Variants in POLR1E observed in about 807,000 individuals in gnomAD.
The protein encoded by POLR1E is DNA-directed RNA polymerase I subunit RPA49.
A neutral mutation model predicts 50.9 loss-of-function variants in POLR1E; 37 were observed. The ratio of observed to expected loss-of-function variants is 0.73; its 90% CI spans 0.56 to 0.96. The LOEUF (loss-of-function observed/expected upper bound fraction) is 0.96, where lower values mean the gene tolerates loss of function less well. POLR1E is among the 40% of genes least tolerant of loss of function. The pLI is 0.00. For missense variants in POLR1E, 426 were observed against 518.1 expected (o/e 0.82, Z 1.73); for synonymous variants, 166 against 191.6 (o/e 0.87, Z 1.10).
At chr9:37,486,587 C>T in intron 1 of POLR1E, 116 bp from the exon 2 acceptor site, 2 of 1,612,732 alleles carry the variant, frequency 1.2e-6, no homozygotes, top group Non-Finnish European at 1.7e-6. Context: ...ACCCGAGCTT[C>T]CTTGCCATCC....
chr9:37,491,859 T>G (rs1820690979), intron 4 of POLR1E, among the ~76,000 whole-genome samples: 1 of 152,236 alleles, frequency 6.6e-6, no homozygotes, highest in Non-Finnish European at 1.5e-5. Flanking sequence ...TATAACTATA[T>G]TTAAATCATC....
At chr9:37,501,267 C>T (rs567716194) in intron 10 of POLR1E, among the ~76,000 whole-genome samples, 12 of 152,368 alleles carry the variant, frequency 7.9e-5, no homozygotes, top group African/African-American at 2.6e-4. Context: ...CAGCCCAACT[C>T]GGTGACTCTG....
At chr9:37,492,629 TTCTC>T (rs769174753) in intron 4 of POLR1E, 24 bp from the exon 5 acceptor site, 24 of 1,610,424 alleles carry the variant, frequency 1.5e-5, no homozygotes, top group Non-Finnish European at 2.0e-5. Flanking sequence ...TGACTTTTCT[TTCTC>T]TCTGTTTTTG....
At chr9:37,491,804 A>C (rs1463747627) in intron 4 of POLR1E, among the ~76,000 whole-genome samples, 2 of 152,136 alleles carry the variant, frequency 1.3e-5, no homozygotes, top group Non-Finnish European at 2.9e-5. Context: ...GAGTCCGGAC[A>C]CCCATCTGTG....
chr9:37,489,321 T>C lies in POLR1E; in HGVS notation c.264T>C (p.Phe88=), dbSNP rs2118999076. The C allele has an allele frequency of 6.3e-7, 1 of 1,597,682 alleles. No individual in the cohort carries two copies. Among genetic ancestry groups the C allele is most frequent in the Non-Finnish European group, 8.5e-7 (1 of 1,174,286 alleles). Residue 88 remains phenylalanine (F), a synonymous_variant, in exon 4 of 12, where the codon TTT becomes TTC. Coordinates refer to ENST00000377798, the MANE Select transcript of POLR1E (RefSeq NM_022490.4). ...ALKCNTLCRH[F]VGILNKTSGQ... is the part of the protein sequence containing the mutation. ...TTATTTCTTCTTTATTCAGGCACTT[T>C]GTGGGAATTTTGAACAAGACCTCTG...
At chr9:37,490,097 C>A (rs575572802) in intron 4 of POLR1E, among the ~76,000 whole-genome samples, 37 of 152,256 alleles carry the variant, frequency 2.4e-4, no homozygotes, top group African/African-American at 8.9e-4. Flanking sequence ...TTCCTTCATT[C>A]TTTTTATTTT....
chr9:37,495,846 G>C, intron 7 of POLR1E, 44 bp from the exon 8 acceptor site: 1 of 1,398,964 alleles, frequency 7.1e-7, no homozygotes. Context: ...TAGCTAGTTG[G>C]ATGTTTCTAT....
chr9:37,490,653 A>G, intron 4 of POLR1E: 1 of 724,324 alleles, frequency 1.4e-6, no homozygotes, highest in Non-Finnish European at 2.5e-6. Flanking sequence ...CTTGGCAAGA[A>G]TCTTGCCCTT....
intron 9 of POLR1E, 134 bp downstream of exon 9, chr9:37,498,358 C>A: frequency 2.1e-6 from 2 of 973,996 alleles, no homozygotes; most frequent in Non-Finnish European, 2.9e-6. Context: ...GAGATTCATT[C>A]TGGTACTGCT....
chr9:37,495,304 C>T, intron 7 of POLR1E, 28 bp downstream of exon 7: 1 of 1,556,170 alleles, frequency 6.4e-7, no homozygotes, highest in East Asian at 2.2e-5. Flanking sequence ...GAAAAGCTGC[C>T]TTATTTCACA....
At chr9:37,501,414 C>T (rs748044568) in intron 10 of POLR1E, among the ~76,000 whole-genome samples, 5 of 152,228 alleles carry the variant, frequency 3.3e-5, no homozygotes, top group African/African-American at 4.8e-5. Context: ...CCCTGCTGGG[C>T]AGGCGGGGAC....
intron 4 of POLR1E, among the ~76,000 whole-genome samples, 165 bp downstream of exon 4, chr9:37,489,565 C>T (rs7860865): frequency 0.46 from 70,061 of 151,826 alleles, 18,525 homozygotes; most frequent in African/African-American, 0.74. Flanking sequence ...TTTATATACA[C>T]ACTGTTTTTT....
At chr9:37,502,098 G>T (rs1012059546) in intron 11 of POLR1E, among the ~76,000 whole-genome samples, 14 of 152,196 alleles carry the variant, frequency 9.2e-5, no homozygotes. Flanking sequence ...GAAGAATCAG[G>T]CTCAGAAAAG....
chr9:37,486,732 C>G lies in POLR1E; in HGVS notation c.106C>G (p.Pro36Ala). The G allele has an allele frequency of 6.2e-7, 1 of 1,614,210 alleles. No individual in the cohort carries two copies. The highest frequency in any genetic ancestry group is 8.5e-7 in the Non-Finnish European group (1 of 1,180,042). ...GTTCTCCAACGGGAAGCTACAGAGT[C>G]CAGGCAACATGCGCTTTACCTTGTA... ...VQFSNGKLQS[P>A]GNMRFTLYEN... The change falls in exon 2 of 12, where the codon CCA becomes GCA. Residue 36 changes from proline to alanine, a missense_variant. Transcript: ENST00000377798.
intron 4 of POLR1E, 115 bp downstream of exon 4, chr9:37,489,515 TTC>T: frequency 2.9e-6 from 2 of 684,298 alleles, no homozygotes; most frequent in South Asian, 2.4e-5. Flanking sequence ...AATTTATTTA[TTC>T]TGTTTTTTCT....
At chr9:37,494,098 G>T (rs1189202317) in intron 6 of POLR1E, among the ~76,000 whole-genome samples, 1 of 152,180 alleles carries the variant, frequency 6.6e-6, no homozygotes, top group African/African-American at 2.4e-5. Context: ...GGGATCAGTG[G>T]CTCTGTTTCC....
intron 9 of POLR1E, among the ~76,000 whole-genome samples, chr9:37,498,940 A>G (rs7847322): frequency 0.023 from 3,497 of 152,320 alleles, 120 homozygotes; most frequent in African/African-American, 0.08. Context: ...CAAACATCAT[A>G]GAGTATATTT....
intron 4 of POLR1E, 156 bp from the exon 5 acceptor site, chr9:37,492,501 T>A: frequency 1.2e-6 from 1 of 839,440 alleles, no homozygotes; most frequent in Non-Finnish European, 1.9e-6. Context: ...AGCTGCATAT[T>A]AAATATTCAC....
At chr9:37,491,920 C>T (rs1317772203) in intron 4 of POLR1E, among the ~76,000 whole-genome samples, 4 of 152,156 alleles carry the variant, frequency 2.6e-5, no homozygotes, top group Non-Finnish European at 5.9e-5. Flanking sequence ...TGTAATTTAA[C>T]GTGTTGATTA....
Sources: gnomAD v4.1 joint callset for allele counts (sites outside exome capture counted in the v4.1 genomes callset) on GRCh38, gnomAD v4.1.1 for gene constraint, MANE v1.5 for transcripts, NCBI Gene and HGNC (gene_info 2026-07-23, HGNC 2026-07-21) for gene names.